The following PPFIA2 variants were observed in gnomAD, a reference collection of about 807,000 sequenced individuals.
PPFIA2 encodes the protein PPFI scaffold protein A2, also known as liprin-alpha-2.
A neutral mutation model predicts 175.5 loss-of-function variants in PPFIA2; 46 were observed. The observed-to-expected ratio is 0.26, with a 90% CI of 0.21 to 0.34. The LOEUF is 0.34. Among genes scored for constraint, PPFIA2 ranks in the 10% least tolerant of loss-of-function variants. The pLI is 1.00. For missense variants in PPFIA2, 1,179 were observed against 1,506.1 expected (o/e 0.78, Z 3.60); for synonymous variants, 568 against 511.4 (o/e 1.11, Z -1.49).
intron 4 of PPFIA2, among the ~76,000 whole-genome samples, chr12:81,614,320 A>G (rs541725856): frequency 1.1e-4 from 17 of 152,268 alleles, no homozygotes; most frequent in Middle Eastern, 3.4e-3. Flanking sequence ...TTTATTTATA[A>G]CATCTCAGAA....
chr12:81,625,375 G>T (rs1424778758), intron 4 of PPFIA2, among the ~76,000 whole-genome samples: 1 of 151,822 alleles, frequency 6.6e-6, no homozygotes, highest in African/African-American at 2.4e-5. Context: ...GCATGGACAT[G>T]TCCTAAGCAC....
chr12:81,644,764 G>GCT (rs1255717477), intron 4 of PPFIA2, among the ~76,000 whole-genome samples: 1 of 152,068 alleles, frequency 6.6e-6, no homozygotes, highest in African/African-American at 2.4e-5. Flanking sequence ...TTTGTTCTAT[G>GCT]TAAGCATAGT....
At chr12:81,731,065 C>G (rs552168403) in intron 3 of PPFIA2, among the ~76,000 whole-genome samples, 33 of 151,756 alleles carry the variant, frequency 2.2e-4, no homozygotes, top group African/African-American at 7.7e-4. Flanking sequence ...CCAGAGCTTC[C>G]ACACACTAAC....
rs115539460 is a variant in PPFIA2 at position 81,525,979 on chromosome 12, A to T, written c.304-68113T>A. Among the ~76,000 whole-genome samples the T allele has an allele frequency of 4.9e-3, 739 of 152,330 alleles. 4 individuals carry two copies. Among genetic ancestry groups the T allele is most frequent in the East Asian group, 0.014 (74 of 5,188 alleles). Reference sequence around the variant, plus strand: ...GTAATCTAGTCATTGGTTAAAAAAAAATATAAAATTAGAAAATCAAAAACT... The same window carrying T: ...GTAATCTAGTCATTGGTTAAAAAAATATATAAAATTAGAAAATCAAAAACT... On this transcript the variant is annotated intron_variant, in intron 4 of 32. Transcript: ENST00000549396.
chr12:81,269,857 C>T (rs1425825249), intron 28 of PPFIA2, among the ~76,000 whole-genome samples: 1 of 151,800 alleles, frequency 6.6e-6, no homozygotes, highest in Non-Finnish European at 1.5e-5. Flanking sequence ...GTCCATTCTA[C>T]TGTAGATGGA....
At chr12:81,503,967 T>A (rs2147507170) in intron 4 of PPFIA2, among the ~76,000 whole-genome samples, 1 of 152,040 alleles carries the variant, frequency 6.6e-6, no homozygotes. Flanking sequence ...TTAAATAAAT[T>A]TAATTTGAGC....
intron 4 of PPFIA2, among the ~76,000 whole-genome samples, chr12:81,601,650 T>C (rs747221345): frequency 7.2e-5 from 11 of 151,910 alleles, no homozygotes; most frequent in Non-Finnish European, 1.5e-4. Context: ...GAAGTCCTAA[T>C]GGGCAGGAAC....
chr12:81,308,488 C>G (rs1311304026), intron 22 of PPFIA2, among the ~76,000 whole-genome samples: 3 of 152,196 alleles, frequency 2.0e-5, no homozygotes, highest in African/African-American at 4.8e-5. Context: ...ACAGAGTCAG[C>G]TCTCTTAACC....
chr12:81,754,229 A>G lies in PPFIA2; in HGVS notation c.-2-6T>C. 6.3e-7 allele frequency: 1 copy of G among 1,588,360 alleles called. No individual in the cohort carries two copies. Among genetic ancestry groups the G allele is most frequent in the Non-Finnish European group, 8.6e-7 (1 of 1,164,360 alleles). Reference sequence around the variant, plus strand: ...CATCACTTCACACATCATTGCTTAAAGAAAGTAAGTGGGAAGGAGTCTTAG... The same window carrying G: ...CATCACTTCACACATCATTGCTTAAGGAAAGTAAGTGGGAAGGAGTCTTAG... On this transcript the variant is annotated splice_region_variant and splice_polypyrimidine_tract_variant and intron_variant, in intron 2 of 32. Coordinates refer to ENST00000549396, the MANE Select transcript of PPFIA2 (RefSeq NM_003625.5).
chr12:81,506,753 C>A (rs948525906), intron 4 of PPFIA2, among the ~76,000 whole-genome samples: 1 of 152,134 alleles, frequency 6.6e-6, no homozygotes, highest in Non-Finnish European at 1.5e-5. Context: ...CTGCAAAGGG[C>A]CAGATAGTAA....
chr12:81,614,012 C>G (rs931778830), intron 4 of PPFIA2, among the ~76,000 whole-genome samples: 1 of 151,980 alleles, frequency 6.6e-6, no homozygotes, highest in African/African-American at 2.4e-5. Context: ...ACAAGCAAAA[C>G]CATGACCAAA....
intron 4 of PPFIA2, among the ~76,000 whole-genome samples, chr12:81,539,713 A>C (rs1298932677): frequency 6.6e-6 from 1 of 151,964 alleles, no homozygotes; most frequent in Admixed American, 6.6e-5. Flanking sequence ...ATACAGTGTC[A>C]CTGAACCTCT....
At chr12:81,624,630 T>G (rs962777496) in intron 4 of PPFIA2, among the ~76,000 whole-genome samples, 3 of 146,664 alleles carry the variant, frequency 2.0e-5, no homozygotes, top group Non-Finnish European at 3.0e-5. Flanking sequence ...ATATATAATA[T>G]ATATTATATA....
chr12:81,486,883 T>G (rs191733302), intron 4 of PPFIA2, among the ~76,000 whole-genome samples: 65 of 151,994 alleles, frequency 4.3e-4, no homozygotes, highest in Non-Finnish European at 8.1e-4. Flanking sequence ...AAGAAAAATA[T>G]AAGATCTTAA....
At chr12:81,691,846 A>G (rs943193834) in intron 3 of PPFIA2, among the ~76,000 whole-genome samples, 3 of 152,128 alleles carry the variant, frequency 2.0e-5, no homozygotes, top group African/African-American at 7.2e-5. Context: ...GAAGAAAAAG[A>G]TAAATTTTAT....
chr12:81,731,940 G>A (rs2080967796), intron 3 of PPFIA2, among the ~76,000 whole-genome samples: 1 of 151,492 alleles, frequency 6.6e-6, no homozygotes, highest in Non-Finnish European at 1.5e-5. Context: ...GCAGTGCAGG[G>A]GTGGGTGGGG....
chr12:81,487,255 G>A (rs1380744738), intron 4 of PPFIA2, among the ~76,000 whole-genome samples: 3 of 151,876 alleles, frequency 2.0e-5, no homozygotes, highest in East Asian at 3.9e-4. Flanking sequence ...AAAGTCTCCA[G>A]CTCTCGAAGC....
chr12:81,545,820 C>G (rs1330153064), intron 4 of PPFIA2: 1 of 152,170 alleles, frequency 6.6e-6, no homozygotes, highest in African/African-American at 2.4e-5. Flanking sequence ...CTGCAGAGTA[C>G]CACTAATAAA....
At chr12:81,420,256 C>T (rs1473714757) in intron 7 of PPFIA2, among the ~76,000 whole-genome samples, 1 of 152,018 alleles carries the variant, frequency 6.6e-6, no homozygotes, top group African/African-American at 2.4e-5. Context: ...GACATCAATG[C>T]ATGTCTATGA....
Sources: allele counts gnomAD v4.1 joint callset (sites outside exome capture counted in the v4.1 genomes callset), GRCh38; gene constraint gnomAD v4.1.1; transcripts MANE v1.5; gene names NCBI Gene and HGNC (gene_info 2026-07-23, HGNC 2026-07-21).